Variants in RBFOX2 observed in about 807,000 individuals in gnomAD.
RBFOX2 encodes RNA binding protein fox-1 homolog 2.
RBFOX2 carries 10 observed loss-of-function variants against 49.1 expected under a neutral mutation model. The ratio of observed to expected loss-of-function variants is 0.20; its 90% CI spans 0.13 to 0.35. The LOEUF (loss-of-function observed/expected upper bound fraction) is 0.35. Ranked by LOEUF, RBFOX2 falls within the 10% of genes least tolerant of loss-of-function variation. The pLI is 1.00. For missense variants in RBFOX2, 323 were observed against 486.9 expected (o/e 0.66, Z 3.17); for synonymous variants, 183 against 187.4 (o/e 0.98, Z 0.19).
In RBFOX2 at chr22:35,916,660, C is replaced by G. The variant is rs145628151; in HGVS notation, c.-34+22187G>C. On this transcript the variant is annotated intron_variant, in intron 1 of 13. Transcript: ENST00000359369. ...CCTGTAATCCCAACACTTTAAGAGG[C>G]TGACGCGGGCGGGTCACCTGAGATC... Among the ~76,000 whole-genome samples the G allele has an allele frequency of 1.2e-3, 182 of 152,210 alleles. 2 individuals carry two copies. Among genetic ancestry groups the G allele is most frequent in the African/African-American group, 4.2e-3 (175 of 41,548 alleles).
At chr22:36,009,471 T>C (rs749788742) in intron 1 of RBFOX2, among the ~76,000 whole-genome samples, 3 of 152,142 alleles carry the variant, frequency 2.0e-5, no homozygotes, top group Non-Finnish European at 4.4e-5. Context: ...CCTCCTGGGC[T>C]CAAGAGGTCC....
chr22:35,980,624 A>G (rs2057408603), intron 1 of RBFOX2, among the ~76,000 whole-genome samples: 1 of 109,652 alleles, frequency 9.1e-6, no homozygotes, highest in African/African-American at 3.6e-5. Context: ...TCTGGTTATA[A>G]ATCAATTGGG....
chr22:35,967,879 T>C (rs541533594), intron 1 of RBFOX2, among the ~76,000 whole-genome samples: 1 of 152,024 alleles, frequency 6.6e-6, no homozygotes, highest in South Asian at 2.1e-4. Flanking sequence ...CATCTTCCAG[T>C]CCAACTACTT....
intron 1 of RBFOX2, among the ~76,000 whole-genome samples, chr22:35,878,621 T>G (rs1345345066): frequency 1.3e-5 from 2 of 152,176 alleles, no homozygotes; most frequent in Non-Finnish European, 2.9e-5. Flanking sequence ...AACTTGCTTT[T>G]GTAGAGATAG....
At chr22:35,778,158 G>A in intron 3 of RBFOX2, 80 bp from the exon 5 acceptor site, 4 of 1,187,528 alleles carry the variant, frequency 3.4e-6, no homozygotes, top group Non-Finnish European at 4.9e-6. Context: ...AATGGGAATA[G>A]TTTATTTTTC....
intron 2 of RBFOX2, among the ~76,000 whole-genome samples, chr22:35,800,698 G>GT (rs200249057): frequency 8.3e-4 from 122 of 147,328 alleles, no homozygotes; most frequent in Middle Eastern, 3.6e-3. Flanking sequence ...ATTGTACCTA[G>GT]TTTTTTTTTT....
intron 1 of RBFOX2, among the ~76,000 whole-genome samples, chr22:35,826,775 G>A (rs1199861004): frequency 6.6e-6 from 1 of 152,110 alleles, no homozygotes; most frequent in African/African-American, 2.4e-5. Context: ...CTGTGAGAAA[G>A]TTTAACTTAA....
At chr22:35,867,532 A>C (rs2043833577) in intron 1 of RBFOX2, among the ~76,000 whole-genome samples, 1 of 152,222 alleles carries the variant, frequency 6.6e-6, no homozygotes, top group Non-Finnish European at 1.5e-5. Context: ...GGACAAAATC[A>C]GTATGCAGAA....
intron 1 of RBFOX2, among the ~76,000 whole-genome samples, chr22:35,867,329 G>A (rs2043806888): frequency 6.6e-6 from 1 of 152,186 alleles, no homozygotes; most frequent in Non-Finnish European, 1.5e-5. Context: ...ACTTGGCACT[G>A]AAATCCAGAA....
At chr22:36,001,391 T>G (rs944059032) in intron 1 of RBFOX2, among the ~76,000 whole-genome samples, 1 of 152,194 alleles carries the variant, frequency 6.6e-6, no homozygotes, top group Non-Finnish European at 1.5e-5. Flanking sequence ...ACAATTCTTT[T>G]GAACCTGAGT....
At chr22:35,952,391 A>C (rs539313437) in intron 1 of RBFOX2, among the ~76,000 whole-genome samples, 8 of 152,272 alleles carry the variant, frequency 5.3e-5, no homozygotes, top group South Asian at 2.1e-4. Context: ...GAGACCCCCC[A>C]AAAAAACCTA....
intron 1 of RBFOX2, among the ~76,000 whole-genome samples, chr22:36,009,276 A>G (rs1185001214): frequency 6.6e-6 from 1 of 152,168 alleles, no homozygotes; most frequent in Non-Finnish European, 1.5e-5. Context: ...TATTATCTCC[A>G]TTTTACAAAT....
In RBFOX2 at chr22:35,855,234, A is replaced by C. The variant is rs112655376; in HGVS notation, c.-33-45230T>G. Among the ~76,000 whole-genome samples the C allele has an allele frequency of 9.7e-3, 1,480 of 152,320 alleles. 12 individuals are homozygous for C. The highest frequency in any genetic ancestry group is 0.027 in the Middle Eastern group (8 of 294). On this transcript the variant is annotated intron_variant, in intron 1 of 13. Coordinates refer to the RBFOX2 transcript ENST00000359369. Reference sequence around the variant, plus strand: ...ACTAATTTTCCACAATAAACTCAAGAGTTATTGGCTGATGATGCCAATCTA... The same window carrying C: ...ACTAATTTTCCACAATAAACTCAAGCGTTATTGGCTGATGATGCCAATCTA...
At chr22:35,887,380 C>T (rs894102964) in intron 1 of RBFOX2, among the ~76,000 whole-genome samples, 20 of 152,188 alleles carry the variant, frequency 1.3e-4, no homozygotes, top group East Asian at 9.6e-4. Context: ...TGCCCTCCCA[C>T]GCCCTGGAGG....
chr22:36,012,269 A>G (rs972062523), intron 1 of RBFOX2, among the ~76,000 whole-genome samples: 17 of 152,214 alleles, frequency 1.1e-4, no homozygotes, highest in African/African-American at 4.1e-4. Context: ...GGGCCATGAA[A>G]AGGCACTGGA....
chr22:35,761,093 C>G (rs1938645068), intron 8 of RBFOX2, 109 bp downstream of exon 9: 2 of 943,014 alleles, frequency 2.1e-6, no homozygotes, highest in Non-Finnish European at 3.2e-6. Context: ...ATATCCCTCT[C>G]AAGAAATTTC....
At chr22:35,835,565 C>T (rs1957509327) in intron 1 of RBFOX2, among the ~76,000 whole-genome samples, 1 of 151,776 alleles carries the variant, frequency 6.6e-6, no homozygotes, top group South Asian at 2.1e-4. Context: ...CATTACTGTT[C>T]AATATGAAGA....
intron 4 of RBFOX2, chr22:35,777,715 G>T: frequency 6.7e-6 from 2 of 297,006 alleles, no homozygotes; most frequent in East Asian, 5.9e-5. Flanking sequence ...TCCTTTAAAC[G>T]GAGAAAGCTG....
intron 1 of RBFOX2, among the ~76,000 whole-genome samples, chr22:35,865,087 AAGAT>A (rs1185672166): frequency 6.6e-6 from 1 of 152,262 alleles, no homozygotes; most frequent in Non-Finnish European, 1.5e-5. Flanking sequence ...CTTTCATAGA[AAGAT>A]AGATAACTTT....
Sources: allele counts gnomAD v4.1 joint callset (sites outside exome capture counted in the v4.1 genomes callset), GRCh38; gene constraint gnomAD v4.1.1; transcripts MANE v1.5; gene names NCBI Gene and HGNC (gene_info 2026-07-23, HGNC 2026-07-21).